The following PRKN variants were observed in gnomAD, a reference collection of about 807,000 sequenced individuals.
PRKN encodes the protein E3 ubiquitin-protein ligase parkin.
In PRKN, 56 loss-of-function variants were observed where a neutral mutation model predicts 59.5. That is an observed-to-expected ratio of 0.94 (90% confidence interval 0.76 to 1.18). The LOEUF (loss-of-function observed/expected upper bound fraction) is 1.18. PRKN is among the 50% of genes most tolerant of loss of function. The pLI, the probability that PRKN is intolerant of heterozygous loss-of-function variation, is 0.00. For missense variants in PRKN, 657 were observed against 596.4 expected (o/e 1.10, Z -1.06); for synonymous variants, 250 against 222.1 (o/e 1.13, Z -1.12).
chr6:161,515,720 C>T (rs1351015178), intron 9 of PRKN, among the ~76,000 whole-genome samples: 2 of 152,222 alleles, frequency 1.3e-5, no homozygotes, highest in Admixed American at 6.5e-5. Context: ...TCAACTACTA[C>T]AAATCTGATG....
chr6:162,559,156 A>AAAAG, intron 1 of PRKN, among the ~76,000 whole-genome samples: 1 of 151,770 alleles, frequency 6.6e-6, no homozygotes, highest in Non-Finnish European at 1.5e-5. Context: ...GTCTCAAAAA[A>AAAAG]AAAAAAAAAA....
chr6:161,563,344 C>T (rs1020570689), intron 8 of PRKN, among the ~76,000 whole-genome samples: 2 of 152,092 alleles, frequency 1.3e-5, no homozygotes, highest in African/African-American at 2.4e-5. Flanking sequence ...CATAAAATTT[C>T]AGTGATTAAA....
chr6:162,166,654 G>A (rs1015375054), intron 4 of PRKN, among the ~76,000 whole-genome samples: 1 of 152,116 alleles, frequency 6.6e-6, no homozygotes, highest in Non-Finnish European at 1.5e-5. Context: ...AAAATGAGAC[G>A]AATTGGTAAG....
rs1004483436 is a variant in PRKN at position 162,056,754 on chromosome 6, G to T, written c.535-2580C>A. ...CTATGCACAACATCTTCTCACCCTC[G>T]GCAAGGCTGGAATTTTGATAAGCCC... On this transcript the variant is annotated intron_variant, in intron 4 of 11. Coordinates refer to ENST00000366898, the MANE Select transcript of PRKN (RefSeq NM_004562.3). The surrounding 1 kb of genome is among the most constrained non-coding windows in gnomAD (Gnocchi z 4.9). Among the ~76,000 whole-genome samples the T allele has an allele frequency of 6.6e-6, 1 of 152,068 alleles. No individual in the cohort carries two copies. Among genetic ancestry groups the T allele is most frequent in the South Asian group, 2.1e-4 (1 of 4,822 alleles).
At chr6:162,701,740 A>G (rs751079753) in intron 1 of PRKN, among the ~76,000 whole-genome samples, 1 of 151,808 alleles carries the variant, frequency 6.6e-6, no homozygotes, top group Non-Finnish European at 1.5e-5. Context: ...CAACATGTCA[A>G]TTATGTCATC....
intron 5 of PRKN, among the ~76,000 whole-genome samples, chr6:161,978,209 C>T (rs962238258): frequency 6.6e-6 from 1 of 152,016 alleles, no homozygotes; most frequent in African/African-American, 2.4e-5. Context: ...GCCACCATGC[C>T]CAACCAATTT....
chr6:162,381,637 T>A (rs571811099), intron 2 of PRKN, among the ~76,000 whole-genome samples: 134 of 152,316 alleles, frequency 8.8e-4, no homozygotes, highest in Non-Finnish European at 1.0e-3. Flanking sequence ...GATGAGACTA[T>A]CTCTGGTAAA....
intron 3 of PRKN, among the ~76,000 whole-genome samples, chr6:162,229,820 C>A (rs991675856): frequency 6.6e-6 from 1 of 152,194 alleles, no homozygotes; most frequent in Non-Finnish European, 1.5e-5. Flanking sequence ...TGTATCCTTT[C>A]GATCTGTTTG....
chr6:161,596,893 T>C (rs1045181419), intron 7 of PRKN, among the ~76,000 whole-genome samples: 1 of 152,208 alleles, frequency 6.6e-6, no homozygotes, highest in Admixed American at 6.5e-5. Context: ...CAGCAGGGAC[T>C]CTCTGACTCA....
intron 3 of PRKN, among the ~76,000 whole-genome samples, chr6:162,255,172 T>C (rs746175985): frequency 6.6e-6 from 1 of 151,810 alleles, no homozygotes; most frequent in African/African-American, 2.4e-5. Context: ...GTCTCCCAAG[T>C]ATGGGTTGGG....
At chr6:161,997,230 G>A (rs376109797) in intron 5 of PRKN, among the ~76,000 whole-genome samples, 14 of 151,840 alleles carry the variant, frequency 9.2e-5, no homozygotes, top group Admixed American at 2.6e-4. Flanking sequence ...TGACTTCTGC[G>A]AAAAAATTTA....
At chr6:161,672,448 A>G (rs1190617185) in intron 7 of PRKN, among the ~76,000 whole-genome samples, 1 of 152,180 alleles carries the variant, frequency 6.6e-6, no homozygotes, top group Non-Finnish European at 1.5e-5. Flanking sequence ...TCTAATATTA[A>G]TCTTAAAGAT....
chr6:162,320,521 AT>A (rs550719078), intron 2 of PRKN, among the ~76,000 whole-genome samples: 162 of 151,560 alleles, frequency 1.1e-3, no homozygotes, highest in African/African-American at 3.7e-3. Context: ...ATCATTAACC[AT>A]TAAGAATGTG....
At chr6:161,708,814 A>G (rs1211387499) in intron 7 of PRKN, among the ~76,000 whole-genome samples, 1 of 152,190 alleles carries the variant, frequency 6.6e-6, no homozygotes, top group Middle Eastern at 3.2e-3. Context: ...TAGAGCCCAC[A>G]TGGCTACGAA....
In PRKN at chr6:162,323,127, C is replaced by T. The variant is rs549933037; in HGVS notation, c.172-60362G>A. 2.3e-4 allele frequency among the ~76,000 whole-genome samples: 35 copies of T among 150,312 alleles called. No individual in the cohort carries two copies. In the East Asian group the frequency reaches 3.2e-3, roughly 14 times the overall value. ...GGGAGATATACCTAATGCTAGATGA[C>T]GAGTTAGTGGGTGCAGCACACCAGC... On this transcript the variant is annotated intron_variant, in intron 2 of 11. Transcript: ENST00000366898.
intron 6 of PRKN, among the ~76,000 whole-genome samples, chr6:161,900,910 T>TTATA (rs377407497): frequency 0.059 from 8,214 of 138,642 alleles, 321 homozygotes; most frequent in Middle Eastern, 0.12. Context: ...ATATGTTAAA[T>TTATA]TGTATATATA....
intron 3 of PRKN, among the ~76,000 whole-genome samples, chr6:162,206,901 G>T (rs141826326): frequency 6.6e-6 from 1 of 152,154 alleles, no homozygotes; most frequent in Non-Finnish European, 1.5e-5. Flanking sequence ...TCCAGCAAGC[G>T]CTTCTTTACA....
intron 1 of PRKN, among the ~76,000 whole-genome samples, chr6:162,694,319 T>C (rs1284273951): frequency 6.7e-6 from 1 of 150,104 alleles, no homozygotes; most frequent in Non-Finnish European, 1.5e-5. Context: ...GCTTAACCTC[T>C]ATTGCTTCTC....
chr6:161,714,611 G>T (rs1235778970), intron 7 of PRKN, among the ~76,000 whole-genome samples: 1 of 152,162 alleles, frequency 6.6e-6, no homozygotes, highest in Non-Finnish European at 1.5e-5. Flanking sequence ...CTAAGACAGG[G>T]AGTGTCCATG....
Sources: allele counts gnomAD v4.1 joint callset (sites outside exome capture counted in the v4.1 genomes callset), GRCh38; gene constraint gnomAD v4.1.1; non-coding constraint Gnocchi (gnomAD v3.1); transcripts MANE v1.5; gene names NCBI Gene and HGNC (gene_info 2026-07-23, HGNC 2026-07-21).